Variants in PTPRC observed in about 807,000 individuals in gnomAD.
The protein encoded by PTPRC is receptor-type tyrosine-protein phosphatase C.
In PTPRC, 44 loss-of-function variants were observed where a neutral mutation model predicts 155.9. The ratio of observed to expected loss-of-function variants is 0.28; its 90% confidence interval spans 0.22 to 0.36. The LOEUF is 0.36. Ranked by LOEUF, PTPRC falls within the 10% of genes least tolerant of loss-of-function variation. PTPRC has a pLI of 1.00. For missense variants in PTPRC, 1,401 were observed against 1,564.6 expected, an observed-to-expected ratio of 0.90 and a Z score of 1.76; for synonymous variants, 525 against 533.1, an observed-to-expected ratio of 0.98 and a Z score of 0.21.
Position 198,678,149 on chromosome 1 carries a change from T to C in PTPRC, c.74-14198T>C, listed in dbSNP as rs78075349. ...ACTGTGGAACCATAGGCACAAACTATAGCAAGAGTAAATCCAAAAATGTTT... is the reference window on the plus strand; with the variant it reads ...ACTGTGGAACCATAGGCACAAACTACAGCAAGAGTAAATCCAAAAATGTTT... On this transcript the variant is annotated intron_variant, in intron 2 of 32. Transcript: ENST00000442510. Among the ~76,000 whole-genome samples the C allele has an allele frequency of 9.9e-3, 1,511 of 152,286 alleles. 25 individuals carry two copies. The highest frequency in any genetic ancestry group is 0.034 in the African/African-American group (1,398 of 41,546).
At chr1:198,717,825 A>G (rs1043135238) in intron 13 of PTPRC, among the ~76,000 whole-genome samples, 1 of 150,638 alleles carries the variant, frequency 6.6e-6, no homozygotes, top group African/African-American at 2.5e-5. Context: ...CTTTTTCTCT[A>G]TTCTCTAATT....
At chr1:198,643,920 G>A (rs1476838876) in intron 2 of PTPRC, among the ~76,000 whole-genome samples, 1 of 151,952 alleles carries the variant, frequency 6.6e-6, no homozygotes, top group Non-Finnish European at 1.5e-5. Flanking sequence ...ACAAAAGTTT[G>A]TAGAGAGCTG....
intron 31 of PTPRC, 90 bp downstream of exon 31, chr1:198,752,862 G>A (rs1386636324): frequency 1.4e-6 from 2 of 1,415,474 alleles, no homozygotes; most frequent in African/African-American, 2.8e-5. Context: ...CCTCATATAT[G>A]AAACACATAA....
At chr1:198,752,143 A>G (rs1250053873) in intron 29 of PTPRC, 106 bp from the exon 30 acceptor site, 90 of 1,292,954 alleles carry the variant, frequency 7.0e-5, no homozygotes, top group Non-Finnish European at 1.9e-5. Flanking sequence ...ATTTTCATTT[A>G]ATAGAAAAGA....
At chr1:198,755,869 T>TTTC (rs779106411) in intron 32 of PTPRC, 37 bp from the exon 33 acceptor site, 2 of 1,568,774 alleles carry the variant, frequency 1.3e-6, no homozygotes, top group Admixed American at 1.7e-5. Context: ...TGACATCAAC[T>TTTC]TTCTTCATGT....
intron 2 of PTPRC, among the ~76,000 whole-genome samples, chr1:198,674,835 A>G (rs1664857772): frequency 6.6e-6 from 1 of 152,062 alleles, no homozygotes; most frequent in Non-Finnish European, 1.5e-5. Flanking sequence ...TAATATTAAC[A>G]TTTGCCAAGG....
At chr1:198,657,758 G>A (rs1240604548) in intron 2 of PTPRC, 2 of 152,036 alleles carry the variant, frequency 1.3e-5, no homozygotes, top group African/African-American at 2.4e-5. Context: ...CTTCTATGAC[G>A]TTTTACAGCT....
Position 198,722,482 on chromosome 1 carries a change from T to C in PTPRC, c.1720+6T>C. The C allele has an allele frequency of 6.9e-7, 1 of 1,439,838 alleles. No individual in the cohort carries two copies. Among genetic ancestry groups the C allele is most frequent in the East Asian group, 2.6e-5 (1 of 38,576 alleles). The allele number at this position is 1,439,838 out of a possible 1,614,324, so 89.2% of individuals were successfully genotyped here. The stretch of plus-strand genomic sequence containing the variant: ...TTTACATCATTCAACATCTTGTAAG[T>C]TATCACTGGGCTATTTATTATATAT... On this transcript the variant is annotated splice_donor_region_variant and intron_variant, in intron 15 of 32. Coordinates refer to ENST00000442510, the MANE Select transcript of PTPRC (RefSeq NM_002838.5).
At chr1:198,652,597 A>T (rs1183124078) in intron 2 of PTPRC, among the ~76,000 whole-genome samples, 3 of 150,350 alleles carry the variant, frequency 2.0e-5, no homozygotes, top group African/African-American at 7.3e-5. Context: ...TGTTTCAAGG[A>T]TAAAGTGTAA....
chr1:198,693,973 G>C, intron 3 of PTPRC: 1 of 1,534,372 alleles, frequency 6.5e-7, no homozygotes, highest in Non-Finnish European at 8.8e-7. Context: ...ATGAGGGGTA[G>C]TTTATGTGAT....
chr1:198,736,385 A>C (rs1654639134), intron 23 of PTPRC, among the ~76,000 whole-genome samples: 1 of 151,604 alleles, frequency 6.6e-6, no homozygotes, highest in Non-Finnish European at 1.5e-5. Flanking sequence ...CTGTATATCC[A>C]AGAGTTCAGT....
chr1:198,707,041 GGTGA>G, intron 9 of PTPRC, 89 bp downstream of exon 9: 1 of 1,110,210 alleles, frequency 9.0e-7, no homozygotes, highest in Non-Finnish European at 1.3e-6. Context: ...GAGCTAGTCT[GGTGA>G]GAGAACAGGG....
At chr1:198,702,279 A>G in intron 5 of PTPRC, 108 bp from the exon 6 acceptor site, 6 of 1,419,192 alleles carry the variant, frequency 4.2e-6, no homozygotes, top group Non-Finnish European at 6.0e-6. Flanking sequence ...GTGCTTGAAG[A>G]TTTGTTTCTC....
At chr1:198,673,737 T>C (rs867784045) in intron 2 of PTPRC, among the ~76,000 whole-genome samples, 3 of 152,270 alleles carry the variant, frequency 2.0e-5, no homozygotes, top group South Asian at 4.1e-4. Context: ...AAGGTGTGAA[T>C]AATGATTAAA....
At chr1:198,724,262 G>A (rs113832388) in intron 15 of PTPRC, among the ~76,000 whole-genome samples, 3 of 152,208 alleles carry the variant, frequency 2.0e-5, no homozygotes, top group African/African-American at 4.8e-5. Flanking sequence ...AAAGGACTTG[G>A]GCTGTGAATT....
At chr1:198,656,169 T>G (rs1263935722) in intron 2 of PTPRC, among the ~76,000 whole-genome samples, 1 of 152,108 alleles carries the variant, frequency 6.6e-6, no homozygotes, top group Non-Finnish European at 1.5e-5. Flanking sequence ...AGGATGTAAT[T>G]TTTGTCCTGT....
intron 2 of PTPRC, among the ~76,000 whole-genome samples, chr1:198,684,133 A>G (rs1248583693): frequency 1.3e-5 from 2 of 151,574 alleles, no homozygotes; most frequent in Non-Finnish European, 3.0e-5. Flanking sequence ...TGACTTGTAG[A>G]TAAATAGTTT....
Position 198,750,628 on chromosome 1 carries a change from T to C in PTPRC, c.3207+2T>C. On this transcript the variant is annotated splice_donor_variant, in intron 29 of 32. Transcript: ENST00000442510. LOFTEE classifies it high-confidence loss of function. Reference sequence around the variant, plus strand: ...ACAGAACTGAAACATGGAGACCAGGTTTGTACTTTTGAGGATTTTCTTTTA... The same window carrying C: ...ACAGAACTGAAACATGGAGACCAGGCTTGTACTTTTGAGGATTTTCTTTTA... The C allele has an allele frequency of 1.2e-6, 2 of 1,612,394 alleles. No individual in the cohort carries two copies. Among genetic ancestry groups the C allele is most frequent in the Non-Finnish European group, 1.7e-6 (2 of 1,178,886 alleles).
At chr1:198,714,617 T>C (rs1353148108) in intron 12 of PTPRC, among the ~76,000 whole-genome samples, 2 of 152,198 alleles carry the variant, frequency 1.3e-5, no homozygotes, top group Admixed American at 6.5e-5. Flanking sequence ...CATAAAGGGC[T>C]CTTTGGAGCC....
Sources: gnomAD v4.1 joint callset for allele counts (sites outside exome capture counted in the v4.1 genomes callset) on GRCh38, gnomAD v4.1.1 for gene constraint, MANE v1.5 for transcripts, NCBI Gene and HGNC (gene_info 2026-07-23, HGNC 2026-07-21) for gene names.